Variants in STRBP observed in about 807,000 individuals in gnomAD.
STRBP encodes the protein spermatid perinuclear RNA-binding protein.
A neutral mutation model predicts 80.1 loss-of-function variants in STRBP; 13 were observed. The observed-to-expected ratio is 0.16, with a 90% CI of 0.11 to 0.26. The LOEUF (loss-of-function observed/expected upper bound fraction) is 0.26. STRBP is among the 10% of genes least tolerant of loss of function. The pLI is 1.00. For synonymous variants in STRBP, 284 were observed against 291.2 expected (o/e 0.98, Z 0.25); for missense variants, 485 against 815.2 (o/e 0.59, Z 4.93).
At position 123,110,477 on chromosome 9, in the gene STRBP, C is replaced by T. The variant is rs777527563; in HGVS notation, c.*85-724G>A. The T allele has an allele frequency of 7.7e-5, 13 of 169,178 alleles. No homozygotes were observed. Among genetic ancestry groups the T allele is most frequent in the Non-Finnish European group, 1.8e-4 (12 of 68,206 alleles). 10.5% of individuals were successfully genotyped at this position (169,178 alleles called of 1,614,324 possible). A position where few individuals can be genotyped will look rare whatever the true frequency, so the allele number is the denominator to read the frequency against. Reference sequence around the variant, plus strand: ...CAACCAACCACTTAGACCAAAGGCTCAGCACAACAGGCCAGACAGATGGGT... The same window carrying T: ...CAACCAACCACTTAGACCAAAGGCTTAGCACAACAGGCCAGACAGATGGGT... On this transcript the variant is annotated intron_variant and NMD_transcript_variant, in intron 3 of 3. Coordinates refer to the STRBP transcript ENST00000471564. This position sits in a 1 kb window ranked among gnomAD's most constrained non-coding sequence, Gnocchi z 4.1.
At chr9:123,146,280 G>C (rs536616628) in intron 13 of STRBP, among the ~76,000 whole-genome samples, 2 of 151,554 alleles carry the variant, frequency 1.3e-5, no homozygotes, top group African/African-American at 4.9e-5. Context: ...TATTATTCCC[G>C]ATGGAAATAT....
At chr9:123,240,479 C>G (rs2040670761) in intron 1 of STRBP, among the ~76,000 whole-genome samples, 1 of 152,154 alleles carries the variant, frequency 6.6e-6, no homozygotes, top group Non-Finnish European at 1.5e-5. Context: ...AATTTTCTCA[C>G]AAAAAGTAGT....
intron 2 of STRBP, among the ~76,000 whole-genome samples, chr9:123,227,652 G>A (rs1265435840): frequency 2.2e-5 from 3 of 138,996 alleles, no homozygotes; most frequent in Admixed American, 7.9e-5. Context: ...TGCAACCTCC[G>A]CCTCCCAGGT....
chr9:123,249,786 G>C (rs2040874353), intron 1 of STRBP, among the ~76,000 whole-genome samples: 1 of 152,192 alleles, frequency 6.6e-6, no homozygotes, highest in South Asian at 2.1e-4. Flanking sequence ...AGGTCCTCAA[G>C]ACCTTTTCAG....
chr9:123,163,788 C>A (rs1189233971), intron 6 of STRBP, among the ~76,000 whole-genome samples: 1 of 152,180 alleles, frequency 6.6e-6, no homozygotes, highest in African/African-American at 2.4e-5. Context: ...TGGGAAAACA[C>A]TGCTACCCTT....
intron 2 of STRBP, among the ~76,000 whole-genome samples, chr9:123,218,988 T>G (rs535901475): frequency 6.6e-6 from 1 of 152,094 alleles, no homozygotes; most frequent in Non-Finnish European, 1.5e-5. Context: ...CCTGAAAAAT[T>G]TAACTAACCC....
intron 1 of STRBP, among the ~76,000 whole-genome samples, chr9:123,259,642 G>C (rs2132651071): frequency 6.6e-6 from 1 of 152,314 alleles, no homozygotes; most frequent in Non-Finnish European, 1.5e-5. Flanking sequence ...CCGGGCAGCA[G>C]AGGTTGCGGT....
intron 2 of STRBP, among the ~76,000 whole-genome samples, chr9:123,201,167 G>A (rs1007252607): frequency 1.3e-4 from 20 of 151,700 alleles, no homozygotes; most frequent in African/African-American, 3.9e-4. Flanking sequence ...TTATTTTTTC[G>A]AAGCGACAGC....
At chr9:123,144,143 A>G (rs1299643303) in intron 13 of STRBP, among the ~76,000 whole-genome samples, 2 of 150,428 alleles carry the variant, frequency 1.3e-5, no homozygotes, top group Non-Finnish European at 3.0e-5. Context: ...GGCTGCAGTG[A>G]GCTGAGATTG....
intron 2 of STRBP, among the ~76,000 whole-genome samples, chr9:123,196,859 A>G (rs1038337124): frequency 6.6e-6 from 1 of 152,214 alleles, no homozygotes; most frequent in Non-Finnish European, 1.5e-5. Flanking sequence ...TGGAACTACT[A>G]TATGATTCAG....
intron 4 of STRBP, among the ~76,000 whole-genome samples, chr9:123,175,213 C>T (rs1400751488): frequency 6.6e-6 from 1 of 152,164 alleles, no homozygotes; most frequent in Admixed American, 6.5e-5. Context: ...CCACAACATT[C>T]AGGTCCCTTA....
chr9:123,205,625 T>C (rs956296598), intron 2 of STRBP, among the ~76,000 whole-genome samples: 1 of 152,198 alleles, frequency 6.6e-6, no homozygotes, highest in South Asian at 2.1e-4. Flanking sequence ...AAGAAATACA[T>C]AGATTCACCA....
At chr9:123,259,812 G>A (rs1443853325) in intron 1 of STRBP, among the ~76,000 whole-genome samples, 1 of 152,182 alleles carries the variant, frequency 6.6e-6, no homozygotes, top group Admixed American at 6.5e-5. Context: ...AGACTATGAA[G>A]CCAAGTAGGT....
chr9:123,151,934 TGA>T (rs2037073877), intron 11 of STRBP, among the ~76,000 whole-genome samples: 2 of 151,818 alleles, frequency 1.3e-5, no homozygotes, highest in Non-Finnish European at 2.9e-5. Context: ...ATCCCCTAGG[TGA>T]GAGTCATTAG....
Position 123,125,102 on chromosome 9 carries a change from A to T in STRBP, c.*495T>A. 2.0e-6 allele frequency: 2 copies of T among 985,722 alleles called. No homozygotes were observed. Among genetic ancestry groups the T allele is most frequent in the South Asian group, 9.4e-5 (2 of 21,286 alleles). The allele number at this position is 985,722 out of a possible 1,614,324, so 61.1% of individuals were successfully genotyped here. The stretch of plus-strand genomic sequence containing the variant: ...ATATTTACAAAGTTAAAGTTAAATG[A>T]AAAGTCTCTATTGTATTAAAAAAAA... On this transcript the variant is annotated 3_prime_UTR_variant, in exon 19 of 19. Coordinates refer to ENST00000348403, the MANE Select transcript of STRBP (RefSeq NM_018387.5).
At chr9:123,120,595 A>C (rs531101485), downstream of STRBP, among the ~76,000 whole-genome samples, 1 of 152,014 alleles carries the variant, frequency 6.6e-6, no homozygotes. Context: ...GAAATCTAGG[A>C]AACAGGGAAA....
chr9:123,184,921 C>A (rs1018790369), intron 2 of STRBP, among the ~76,000 whole-genome samples: 4 of 152,094 alleles, frequency 2.6e-5, no homozygotes, highest in African/African-American at 9.7e-5. Context: ...CTTCATTACC[C>A]CTGGATGTCC....
chr9:123,122,655 C>A lies in STRBP; in HGVS notation c.*2942G>T. The A allele has an allele frequency of 9.8e-7, 1 of 1,020,610 alleles. No individual in the cohort carries two copies. The highest frequency in any genetic ancestry group is 1.2e-6 in the Non-Finnish European group (1 of 852,694). The allele number at this position is 1,020,610 out of a possible 1,614,324, so 63.2% of individuals were successfully genotyped here. On this transcript the variant is annotated 3_prime_UTR_variant, in exon 19 of 19. Transcript: ENST00000348403. ...CACAAGAGATGGGGTACTCCTGCAG[C>A]CTGAAGAAACACAAGCTGCAAGCCA...
downstream of STRBP, among the ~76,000 whole-genome samples, chr9:123,120,047 TA>T (rs2035704906): frequency 6.6e-6 from 1 of 152,192 alleles, no homozygotes; most frequent in South Asian, 2.1e-4. Context: ...ATTCTTGACT[TA>T]AAACAGTCTT....
Sources: allele counts gnomAD v4.1 joint callset (sites outside exome capture counted in the v4.1 genomes callset), GRCh38; gene constraint gnomAD v4.1.1; non-coding constraint Gnocchi (gnomAD v3.1); transcripts MANE v1.5; gene names NCBI Gene and HGNC (gene_info 2026-07-23, HGNC 2026-07-21).